The following ALDH1L2 variants were observed in gnomAD, a reference collection of about 807,000 sequenced individuals.
The protein encoded by ALDH1L2 is mitochondrial 10-formyltetrahydrofolate dehydrogenase.
Under a neutral mutation model 111.0 loss-of-function variants are expected in ALDH1L2, and 91 were observed. The observed-to-expected ratio is 0.82, with a 90% CI of 0.69 to 0.98. The LOEUF is 0.98. ALDH1L2 is among the 50% of genes least tolerant of loss of function. ALDH1L2 has a pLI of 0.00. For missense variants in ALDH1L2, 995 were observed against 1,126.8 expected, an observed-to-expected ratio of 0.88 and a Z score of 1.67; for synonymous variants, 374 against 392.6, an observed-to-expected ratio of 0.95 and a Z score of 0.56.
intron 7 of ALDH1L2, 108 bp downstream of exon 7, chr12:105,062,780 G>A: frequency 7.1e-7 from 1 of 1,413,068 alleles, no homozygotes; most frequent in South Asian, 1.4e-5. Context: ...GGCACTCAGA[G>A]CCAGCTCCTC....
At chr12:105,026,013 C>T (rs1874388829) in intron 22 of ALDH1L2, among the ~76,000 whole-genome samples, 1 of 152,186 alleles carries the variant, frequency 6.6e-6, no homozygotes, top group African/African-American at 2.4e-5. Context: ...GTGTTAGTGT[C>T]ACTGCTCACA....
At chr12:105,050,223 T>TG in intron 12 of ALDH1L2, 165 bp from the exon 13 acceptor site, 1 of 557,514 alleles carries the variant, frequency 1.8e-6, no homozygotes, top group Non-Finnish European at 2.8e-6. Context: ...ATTAAACAAA[T>TG]ATTTTCATAA....
In ALDH1L2 at chr12:105,019,892, A is replaced by T. The variant is rs1198759453; in HGVS notation, c.*4532T>A. 6.6e-6 allele frequency: 1 copy of T among 152,240 alleles called. No individual in the cohort carries two copies. The highest frequency in any genetic ancestry group is 1.9e-4 in the East Asian group (1 of 5,206). The allele number at this position is 152,240 out of a possible 1,614,324, so 9.4% of individuals were successfully genotyped here. A position where few individuals can be genotyped will look rare whatever the true frequency, so the allele number is the denominator to read the frequency against. On this transcript the variant is annotated 3_prime_UTR_variant, in exon 23 of 23. Coordinates refer to ENST00000258494, the MANE Select transcript of ALDH1L2 (RefSeq NM_001034173.4). The stretch of plus-strand genomic sequence containing the variant: ...AGTATTATGTTAATTATGTAAAAAA[A>T]GTATACATATTCATAGAAAAAGTTT...
Position 105,049,945 on chromosome 12 carries a change from GTT to G in ALDH1L2, c.1647_1648del (p.Gln549HisfsTer111), listed in dbSNP as rs1238977389. The G allele has an allele frequency of 6.2e-7, 1 of 1,611,972 alleles. No homozygotes were observed. Among genetic ancestry groups the G allele is most frequent in the East Asian group, 2.2e-5 (1 of 44,802 alleles). On this transcript the variant is annotated frameshift_variant, in exon 13 of 23. Coordinates refer to ENST00000258494, the MANE Select transcript of ALDH1L2 (RefSeq NM_001034173.4). LOFTEE classifies it high-confidence loss of function. ...GCACCAGCCAGCAAAATATCTGAAT[GTT>G]TGCACAGACATTCCAATGTGTGTCT...
chr12:105,071,330 C>T (rs943994679), intron 2 of ALDH1L2, among the ~76,000 whole-genome samples: 2 of 151,994 alleles, frequency 1.3e-5, no homozygotes, highest in Admixed American at 1.3e-4. Flanking sequence ...CCCAAATTCA[C>T]CAAACAAATA....
chr12:105,064,947 C>T (rs1303799699), intron 6 of ALDH1L2, among the ~76,000 whole-genome samples: 2 of 152,168 alleles, frequency 1.3e-5, no homozygotes, highest in South Asian at 2.1e-4. Context: ...TCTTCTCGAG[C>T]AAAGCAGTGA....
chr12:105,035,726 C>T (rs190695196), intron 18 of ALDH1L2, among the ~76,000 whole-genome samples: 50 of 151,358 alleles, frequency 3.3e-4, no homozygotes, highest in African/African-American at 1.1e-3. Context: ...TCAAAAATGA[C>T]GGATTTGGAA....
Position 105,052,214 on chromosome 12 carries a change from T to C in ALDH1L2, c.1411A>G (p.Ile471Val). 6.2e-7 allele frequency: 1 copy of C among 1,601,258 alleles called. No homozygotes were observed. Among genetic ancestry groups the C allele is most frequent in the Non-Finnish European group, 8.5e-7 (1 of 1,175,482 alleles). ...AAAGAAGCGTAGGATACTTTGCATA[T>C]TGTCTATTTCAAGGTAAGTAAAAAT... ...DTINPTDGST[I>V]CKVSYASLAD... The change falls in exon 12 of 23, where the codon ATA becomes GTA. Residue 471 changes from isoleucine (I) to valine (V), a missense_variant. By Grantham distance (29) the Ile-to-Val change is conservative. Coordinates refer to ENST00000258494, the MANE Select transcript of ALDH1L2 (RefSeq NM_001034173.4).
chr12:105,070,808 A>C lies in ALDH1L2; in HGVS notation c.194-4T>G, dbSNP rs761589271. On this transcript the variant is annotated splice_region_variant and splice_polypyrimidine_tract_variant and intron_variant, in intron 2 of 22. Transcript: ENST00000258494. ...CCATCTTTCTCTGCAGCCAAAGCTG[A>C]GCATAAAAAAGAAGATTTTTTTTTT... 7.5e-6 allele frequency: 12 copies of C among 1,595,340 alleles called. No individual in the cohort carries two copies. The African/African-American group carries it at 1.4e-4, about 18-fold the overall frequency.
At position 105,066,579 on chromosome 12, in the gene ALDH1L2, CCT is replaced by C; in HGVS notation, c.683_684del (p.Lys228ArgfsTer4). Reference sequence around the variant, plus strand: ...TGATATATAAATACCTCAGCATTTTCCTTTTTCTGGATACCTTCATATGTTGC... The same window carrying C: ...TGATATATAAATACCTCAGCATTTTCTTTTCTGGATACCTTCATATGTTGC... ...EGATYEGIQK[K>X]ENAEISWDQS... On this transcript the variant is annotated frameshift_variant, in exon 5 of 23. Transcript: ENST00000258494. LOFTEE classifies it high-confidence loss of function. 1.9e-6 allele frequency: 3 copies of C among 1,613,924 alleles called. No individual in the cohort carries two copies. Among genetic ancestry groups the C allele is most frequent in the Non-Finnish European group, 2.5e-6 (3 of 1,179,854 alleles).
intron 12 of ALDH1L2, among the ~76,000 whole-genome samples, chr12:105,051,257 C>A (rs1203550138): frequency 4.6e-5 from 7 of 152,146 alleles, no homozygotes; most frequent in Admixed American, 2.0e-4. Context: ...CACCTGGCTC[C>A]CTTGCTCTCC....
chr12:105,065,183 T>C, intron 6 of ALDH1L2, 84 bp downstream of exon 6: 3 of 844,798 alleles, frequency 3.6e-6, no homozygotes, highest in East Asian at 3.6e-5. Flanking sequence ...GGAAGAACCA[T>C]GGGAAGCCCA....
chr12:105,029,157 A>G (rs1398610071), intron 21 of ALDH1L2, among the ~76,000 whole-genome samples: 1 of 151,872 alleles, frequency 6.6e-6, no homozygotes, highest in Non-Finnish European at 1.5e-5. Flanking sequence ...CCTCCGAAGT[A>G]GCTGGGACTA....
chr12:105,079,592 A>G (rs750361777), intron 1 of ALDH1L2, among the ~76,000 whole-genome samples: 4 of 152,190 alleles, frequency 2.6e-5, no homozygotes, highest in Admixed American at 6.5e-5. Context: ...AGACAGTCCA[A>G]AGGGCTCGAG....
In ALDH1L2 at chr12:105,031,923, A is replaced by C; in HGVS notation, c.2256T>G (p.Ile752Met). ...DEFVTRVVEE[I>M]KKMKIGDPLD... ...GTGGATCACCAATTTTCATCTTTTT[A>C]ATTTCTTCTACCTGTATGTTACCCA... The change falls in exon 20 of 23, where the codon ATT becomes ATG. Residue 752 changes from isoleucine to methionine, a missense_variant. Transcript: ENST00000258494. 1 of 1,613,842 alleles carries C rather than the reference A, an allele frequency of 6.2e-7. No individual in the cohort carries two copies. Among genetic ancestry groups the C allele is most frequent in the Non-Finnish European group, 8.5e-7 (1 of 1,179,942 alleles).
intron 19 of ALDH1L2, among the ~76,000 whole-genome samples, chr12:105,032,895 A>T (rs533990782): frequency 1.6e-4 from 24 of 152,242 alleles, no homozygotes; most frequent in Admixed American, 3.3e-4. Flanking sequence ...CTCCTGGTGT[A>T]GCCATGCCAG....
chr12:105,050,500 C>T (rs1207046632), intron 12 of ALDH1L2: 1 of 206,586 alleles, frequency 4.8e-6, no homozygotes, highest in African/African-American at 2.4e-5. Context: ...TTGGTGTTCA[C>T]AAGTTTTATG....
chr12:105,061,687 C>T lies in ALDH1L2; in HGVS notation c.987G>A (p.Thr329=), dbSNP rs557856639. ...TCAGTTCTACCACTGACGTCTCACC[C>T]GTTGAAAAGTACTGAGAGGCAGGGA... The part of the protein sequence containing the change: ...KMIPASQYFS[T]GETSVVELTA... The change falls in exon 8 of 23, where the codon ACG becomes ACA. Residue 329 remains threonine (T), a synonymous_variant. Coordinates refer to ENST00000258494, the MANE Select transcript of ALDH1L2 (RefSeq NM_001034173.4). 8.1e-6 allele frequency: 13 copies of T among 1,614,090 alleles called. No individual in the cohort carries two copies. The highest frequency in any genetic ancestry group is 6.7e-5 in the East Asian group (3 of 44,870).
intron 16 of ALDH1L2, among the ~76,000 whole-genome samples, 191 bp from the exon 17 acceptor site, chr12:105,039,997 C>T (rs1875425044): frequency 1.3e-5 from 2 of 151,944 alleles, no homozygotes; most frequent in Admixed American, 1.3e-4. Context: ...GGCATGGTGG[C>T]ACACGCCTGT....
Sources: gnomAD v4.1 joint callset for allele counts (sites outside exome capture counted in the v4.1 genomes callset) on GRCh38, gnomAD v4.1.1 for gene constraint, MANE v1.5 for transcripts, NCBI Gene and HGNC (gene_info 2026-07-23, HGNC 2026-07-21) for gene names.